ENTREP3: variants seen among roughly 807,000 people sequenced by gnomAD.
ENTREP3 encodes the protein endosomal transmembrane epsin interactor 3, also known as protein ENTREP3.
At chr1:155,249,844 C>T in the ENTREP3 span, among the ~76,000 whole-genome samples, 8 of 146,132 alleles carry the variant, frequency 5.5e-5, no homozygotes, top group South Asian at 4.3e-4. Flanking sequence ...CCAGATCGCG[C>T]GGCTGCACTC....
the ENTREP3 span, chr1:155,251,638 A>T: frequency 1.3e-5 from 20 of 1,597,934 alleles, no homozygotes; most frequent in Admixed American, 3.2e-4. Flanking sequence ...TAGGAGAAAT[A>T]ATTCCCCCTC....
the ENTREP3 span, chr1:155,247,594 G>T: frequency 4.1e-6 from 3 of 726,504 alleles, no homozygotes; most frequent in Non-Finnish European, 7.6e-6. Context: ...CAGGACAGAA[G>T]CTCTCCCAGT....
chr1:155,249,238 G>A, the ENTREP3 span, among the ~76,000 whole-genome samples: 5 of 151,004 alleles, frequency 3.3e-5, no homozygotes, highest in African/African-American at 9.7e-5. Context: ...TTACAGGCGC[G>A]CTCCACCACA....
chr1:155,250,410 G>C, the ENTREP3 span: 2 of 1,510,870 alleles, frequency 1.3e-6, no homozygotes, highest in Non-Finnish European at 1.8e-6. This position sits in a 1 kb window ranked among gnomAD's most constrained non-coding sequence, Gnocchi z 5.4. Context: ...GCGACGAGTC[G>C]GGGCTCGGGT....
At chr1:155,248,162 G>C in the ENTREP3 span, 1 of 1,614,072 alleles carries the variant, frequency 6.2e-7, no homozygotes, top group South Asian at 1.1e-5. Flanking sequence ...GTCCCCCAGG[G>C]AGTGGGCAGG....
chr1:155,252,433 C>T, the ENTREP3 span, among the ~76,000 whole-genome samples: 3 of 151,302 alleles, frequency 2.0e-5, no homozygotes, highest in African/African-American at 4.9e-5. Flanking sequence ...ACAATGGCTA[C>T]ATCTCAGCTC....
chr1:155,252,699 T>TGC, the ENTREP3 span: 1 of 47,782 alleles, frequency 2.1e-5, no homozygotes, highest in African/African-American at 1.1e-4. Context: ...TGTATATATA[T>TGC]ATATATATAT....
At chr1:155,249,939 T>TC in the ENTREP3 span, among the ~76,000 whole-genome samples, 1 of 147,146 alleles carries the variant, frequency 6.8e-6, no homozygotes, top group Non-Finnish European at 1.5e-5. Context: ...ACACCTGTAG[T>TC]CCCAGCTACT....
chr1:155,251,115 C>G, the ENTREP3 span: 1 of 1,612,778 alleles, frequency 6.2e-7, no homozygotes, highest in Non-Finnish European at 8.5e-7. Flanking sequence ...GGAGGCCACT[C>G]GTTCACAGAT....
At chr1:155,252,040 C>T in the ENTREP3 span, 1 of 626,486 alleles carries the variant, frequency 1.6e-6, no homozygotes, top group Non-Finnish European at 2.6e-6. Context: ...CTGGCCCCTC[C>T]CTCACCCAAA....
At chr1:155,251,143 G>A in the ENTREP3 span, 2 of 1,611,632 alleles carry the variant, frequency 1.2e-6, no homozygotes, top group Non-Finnish European at 1.7e-6. Flanking sequence ...CCATCGTGAA[G>A]CTGAGGGTCA....
At chr1:155,251,154 A>G in the ENTREP3 span, 2 of 1,608,810 alleles carry the variant, frequency 1.2e-6, no homozygotes, top group Non-Finnish European at 1.7e-6. Context: ...CTGAGGGTCA[A>G]AGAGAGTGGC....
chr1:155,250,393 C>G, the ENTREP3 span: 1 of 1,379,232 alleles, frequency 7.3e-7, no homozygotes, highest in Non-Finnish European at 9.9e-7. This position sits in a 1 kb window ranked among gnomAD's most constrained non-coding sequence, Gnocchi z 5.4. Flanking sequence ...CCTGAGCTAT[C>G]GCTGAAGCGA....
At chr1:155,250,749 T>A in the ENTREP3 span, 2 of 1,612,598 alleles carry the variant, frequency 1.2e-6, no homozygotes, top group South Asian at 1.1e-5. This position sits in a 1 kb window ranked among gnomAD's most constrained non-coding sequence, Gnocchi z 5.4. Flanking sequence ...CAGGCACGAG[T>A]CCTCCGACGG....
chr1:155,250,945 G>A, the ENTREP3 span: 1 of 1,256,510 alleles, frequency 8.0e-7, no homozygotes, highest in South Asian at 1.5e-5. The surrounding 1 kb of genome is among the most constrained non-coding windows in gnomAD (Gnocchi z 5.4). Context: ...TCTCAGAGGA[G>A]AAAAATAAGT....
chr1:155,252,719 TA>T, the ENTREP3 span: 479 of 56,404 alleles, frequency 8.5e-3, 8 homozygotes, highest in Non-Finnish European at 0.012. Flanking sequence ...TATATATATA[TA>T]TATTTTTTTT....
At chr1:155,247,809 G>A in the ENTREP3 span, 89 of 1,469,276 alleles carry the variant, frequency 6.1e-5, no homozygotes, top group East Asian at 5.1e-4. Context: ...GGCTGCCCCC[G>A]TTGAGGCTGA....
the ENTREP3 span, chr1:155,254,187 AAGG>A: frequency 1.2e-6 from 2 of 1,613,288 alleles, no homozygotes; most frequent in Non-Finnish European, 1.7e-6. The surrounding 1 kb of genome is among the most constrained non-coding windows in gnomAD (Gnocchi z 4.4). Flanking sequence ...CAAGGAGAAG[AAGG>A]AGATCTGGGG....
At chr1:155,254,626 C>T in the ENTREP3 span, 3,498 of 1,600,392 alleles carry the variant, frequency 2.2e-3, 7 homozygotes, top group Non-Finnish European at 2.7e-3. The surrounding 1 kb of genome is among the most constrained non-coding windows in gnomAD (Gnocchi z 4.4). Context: ...GAGCCTCCCC[C>T]ACCCAACAAC....
Sources: allele counts gnomAD v4.1 joint callset (sites outside exome capture counted in the v4.1 genomes callset), GRCh38; gene constraint gnomAD v4.1.1; non-coding constraint Gnocchi (gnomAD v3.1); transcripts MANE v1.5; gene names NCBI Gene and HGNC (gene_info 2026-07-23, HGNC 2026-07-21).